NPHP4: variants seen among roughly 807,000 people sequenced by gnomAD.
NPHP4 encodes nephrocystin-4.
NPHP4 carries 151 observed loss-of-function variants against 155.8 expected under a neutral mutation model. The observed-to-expected ratio is 0.97, with a 90% CI of 0.85 to 1.11. The LOEUF is 1.11. Among genes scored for constraint, NPHP4 ranks in the 50% least tolerant of loss-of-function variants. The probability of loss-of-function intolerance (pLI) is 0.00; values close to 1 mark genes in which losing one functional copy is unlikely to be tolerated. For synonymous variants in NPHP4, 845 were observed against 816.8 expected (o/e 1.03, Z -0.59); for missense variants, 1,956 against 1,925.7 (o/e 1.02, Z -0.29).
At position 5,948,188 on chromosome 1, in the gene NPHP4, G is replaced by T; in HGVS notation, c.874C>A (p.His292Asn). 1 of 1,611,388 alleles carries T rather than the reference G, an allele frequency of 6.2e-7. No individual in the cohort carries two copies. Residue 292 changes from histidine (H) to asparagine (N), a missense_variant, in exon 8 of 30, where the codon CAC becomes AAC. Transcript: ENST00000378156. ...ILERRLRVGVHNGLGFVQRPQ... is the reference protein window; with the variant it reads ...ILERRLRVGVNNGLGFVQRPQ... Reference sequence around the variant, plus strand: ...CTCTGCACGAAGCCCAGACCATTGTGCACGCCCACACGCAGGCGCCGCTCC... The same window carrying T: ...CTCTGCACGAAGCCCAGACCATTGTTCACGCCCACACGCAGGCGCCGCTCC...
chr1:5,991,815 G>A (rs1353560761), intron 1 of NPHP4, among the ~76,000 whole-genome samples: 2 of 151,548 alleles, frequency 1.3e-5, no homozygotes, highest in East Asian at 3.9e-4. Flanking sequence ...GCCAGGCGGG[G>A]TCCGCGGACT....
At position 5,867,115 on chromosome 1, in the gene NPHP4, C is replaced by T; in HGVS notation, c.3473G>A (p.Gly1158Asp). 1 of 1,610,528 alleles carries T rather than the reference C, an allele frequency of 6.2e-7. No homozygotes were observed. Among genetic ancestry groups the T allele is most frequent in the Non-Finnish European group, 8.5e-7 (1 of 1,178,346 alleles). ...IRLPPWHTFP[G>D]APVGMLGEDP... ...CTCACCAAGCATTCCCACCGGAGCA[C>T]CTGGAGCAGGGGAAATGTCAAAAAG... Residue 1158 changes from glycine (G) to aspartate (D), a missense_variant and splice_region_variant, in exon 25 of 30, where the codon GGT (glycine) becomes GAT (aspartate). By Grantham distance (94) the Gly-to-Asp change is moderately conservative. Transcript: ENST00000378156. This position sits in a 1 kb window ranked among gnomAD's most constrained non-coding sequence, Gnocchi z 4.1.
chr1:5,968,015 G>C (rs972999957), intron 4 of NPHP4, among the ~76,000 whole-genome samples: 1 of 151,960 alleles, frequency 6.6e-6, no homozygotes, highest in Non-Finnish European at 1.5e-5. Flanking sequence ...CCTGGCACGC[G>C]ACAGACACTC....
Position 5,874,959 on chromosome 1 carries a change from C to A in NPHP4, c.2959G>T (p.Val987Phe). Residue 987 changes from valine (V) to phenylalanine (F), a missense_variant, in exon 21 of 30, where the codon GTC becomes TTC. Physicochemically the swap from Val to Phe is conservative, Grantham distance 50. Transcript: ENST00000378156. ...TEHTLHATLG[V>F]AEFFEFVLKN... is the part of the protein sequence containing the mutation. ...AGCACAAACTCAAAGAACTCGGCGA[C>A]CCCCAGCGTGGCGTGGAGCGTGTGC... 2 of 1,613,364 alleles carry A rather than the reference C, an allele frequency of 1.2e-6. No individual in the cohort carries two copies. The highest frequency in any genetic ancestry group is 1.7e-6 in the Non-Finnish European group (2 of 1,179,864).
chr1:5,986,427 TC>T, intron 1 of NPHP4, 100 bp from the exon 2 acceptor site: 1 of 983,450 alleles, frequency 1.0e-6, no homozygotes, highest in Non-Finnish European at 1.5e-6. Context: ...CAGAGGAACC[TC>T]CATCCCCCAA....
intron 29 of NPHP4, 115 bp from the exon 30 acceptor site, chr1:5,863,520 C>T (rs1640856229): frequency 4.5e-6 from 6 of 1,324,020 alleles, no homozygotes; most frequent in Non-Finnish European, 6.4e-6. Flanking sequence ...GGCAGGGGAG[C>T]CCTGCGGGTG....
In NPHP4 at chr1:5,948,220, TCCAGGGCA is replaced by T. The variant is rs781558715; in HGVS notation, c.834_841del (p.Ala279AspfsTer28). 38 of 1,593,924 alleles carry T rather than the reference TCCAGGGCA, an allele frequency of 2.4e-5. No individual in the cohort carries two copies. Among genetic ancestry groups the T allele is most frequent in the Non-Finnish European group, 2.9e-5 (34 of 1,172,764 alleles). On this transcript the variant is annotated frameshift_variant, in exon 8 of 30. Transcript: ENST00000378156. LOFTEE classifies it high-confidence loss of function. ...CACACGCAGGCGCCGCTCCAGGATC[TCCAGGGCA>T]CCACCGTCCAGTGGGCCACATCCCT...
intron 1 of NPHP4, among the ~76,000 whole-genome samples, chr1:5,991,288 T>C (rs1656239647): frequency 6.6e-6 from 1 of 151,962 alleles, no homozygotes; most frequent in African/African-American, 2.4e-5. Context: ...CCCCATAGAA[T>C]GTAAAGAAAC....
chr1:5,882,314 T>A lies in NPHP4; in HGVS notation c.2486-2075A>T, dbSNP rs1278482214. The A allele has an allele frequency of 1.5e-5, 2 of 136,232 alleles. No individual in the cohort carries two copies. Among genetic ancestry groups the A allele is most frequent in the African/African-American group, 2.8e-5 (1 of 36,182 alleles). The allele number at this position is 136,232 out of a possible 1,614,324, so 8.4% of individuals were successfully genotyped here. A position where few individuals can be genotyped will look rare whatever the true frequency, so the allele number is the denominator to read the frequency against. On this transcript the variant is annotated intron_variant, in intron 18 of 29. Transcript: ENST00000378156. The surrounding 1 kb of genome is among the most constrained non-coding windows in gnomAD (Gnocchi z 5.1). ...TCTCAGTGGCGCGCTTACCCAGCCA[T>A]CTCTCAGTGGCGCGCTTACCCAGCC... is the stretch of plus-strand genomic sequence containing the variant.
rs754216736 is a variant in NPHP4 at position 5,874,643 on chromosome 1, C to G, written c.3059G>C (p.Ser1020Thr). Residue 1020 changes from serine (S) to threonine (T), a missense_variant, in exon 22 of 30, where the codon AGT (serine) becomes ACT (threonine). Physicochemically the swap from Ser to Thr is moderately conservative, Grantham distance 58. Transcript: ENST00000378156. The part of the protein sequence containing the change: ...DNPELSVIVD[S>T]QEWRDFKGAA... ...ACCCTTGAAGTCCCTCCACTCCTGA[C>G]TGTCCACGATGACGCTGGGGGAGGC... 11 of 1,611,804 alleles carry G rather than the reference C, an allele frequency of 6.8e-6. No homozygotes were observed. Among genetic ancestry groups the G allele is most frequent in the Middle Eastern group, 1.9e-4 (1 of 5,344 alleles).
rs559920148 is a variant in NPHP4 at position 5,892,970 on chromosome 1, C to T, written c.2144-1942G>A. Among the ~76,000 whole-genome samples the T allele has an allele frequency of 2.3e-4, 35 of 152,294 alleles. 1 individual carries two copies. The South Asian group carries it at 7.1e-3, about 31-fold the overall frequency. ...AAAACACAGTAATGGTAGAAACTAA[C>T]CACTCTCCATTCAAAGGCAGATCCA... On this transcript the variant is annotated intron_variant, in intron 16 of 29. Coordinates refer to ENST00000378156, the MANE Select transcript of NPHP4 (RefSeq NM_015102.5). This position sits in a 1 kb window ranked among gnomAD's most constrained non-coding sequence, Gnocchi z 4.5.
At chr1:5,871,139 G>A (rs949259839) in intron 23 of NPHP4, among the ~76,000 whole-genome samples, 4 of 152,206 alleles carry the variant, frequency 2.6e-5, no homozygotes, top group African/African-American at 9.7e-5. Context: ...GAGTGGCGAG[G>A]CAAACATGGC....
chr1:5,960,166 G>C (rs891934412), intron 6 of NPHP4, among the ~76,000 whole-genome samples: 2 of 152,194 alleles, frequency 1.3e-5, no homozygotes, highest in African/African-American at 2.4e-5. Context: ...GCAGATTACA[G>C]GGTAAGACAC....
intron 5 of NPHP4, among the ~76,000 whole-genome samples, chr1:5,962,696 T>A (rs540226609): frequency 1.3e-5 from 2 of 152,248 alleles, no homozygotes; most frequent in South Asian, 4.1e-4. Flanking sequence ...ACGGGACAGA[T>A]GTGGGTAAAG....
chr1:5,871,499 T>C (rs1642004117), intron 23 of NPHP4, among the ~76,000 whole-genome samples: 1 of 152,208 alleles, frequency 6.6e-6, no homozygotes, highest in Admixed American at 6.5e-5. Flanking sequence ...AAGTATATTT[T>C]AGGGTAACCA....
chr1:5,991,937 AGGGG>A, intron 1 of NPHP4, among the ~76,000 whole-genome samples: 1 of 3,676 alleles, frequency 2.7e-4, no homozygotes. Flanking sequence ...GGCAGGGGGC[AGGGG>A]GCAGGGGGCA....
chr1:5,906,534 T>C (rs1644921493), intron 13 of NPHP4, among the ~76,000 whole-genome samples: 1 of 152,270 alleles, frequency 6.6e-6, no homozygotes, highest in Non-Finnish European at 1.5e-5. Flanking sequence ...CTCATGGTGC[T>C]AGGAGTGTTT....
intron 5 of NPHP4, among the ~76,000 whole-genome samples, chr1:5,965,750 A>G (rs1651371232): frequency 6.6e-6 from 1 of 152,052 alleles, no homozygotes; most frequent in Admixed American, 6.6e-5. Context: ...TAGAGACTCC[A>G]TCGCTGCTGC....
intron 16 of NPHP4, among the ~76,000 whole-genome samples, chr1:5,893,432 G>C (rs1391564860): frequency 6.6e-6 from 1 of 152,126 alleles, no homozygotes; most frequent in South Asian, 2.1e-4. Flanking sequence ...CTGGACAGGG[G>C]GACCTTTCCT....
Sources: allele counts gnomAD v4.1 joint callset (sites outside exome capture counted in the v4.1 genomes callset), GRCh38; gene constraint gnomAD v4.1.1; non-coding constraint Gnocchi (gnomAD v3.1); transcripts MANE v1.5; gene names NCBI Gene and HGNC (gene_info 2026-07-23, HGNC 2026-07-21).